Variants in BTLA observed in about 807,000 individuals in gnomAD.
The protein encoded by BTLA is B- and T-lymphocyte attenuator.
BTLA carries 11 observed loss-of-function variants against 25.0 expected under a neutral mutation model. The ratio of observed to expected loss-of-function variants is 0.44; its 90% CI spans 0.28 to 0.73. The LOEUF is 0.73. Among genes scored for constraint, BTLA ranks in the 30% least tolerant of loss-of-function variants. The pLI is 0.15. For synonymous variants in BTLA, 104 were observed against 119.8 expected (o/e 0.87, Z 0.86); for missense variants, 282 against 332.8 (o/e 0.85, Z 1.19).
intron 1 of BTLA, among the ~76,000 whole-genome samples, chr3:112,484,568 A>G (rs1330647738): frequency 6.6e-6 from 1 of 152,172 alleles, no homozygotes; most frequent in Non-Finnish European, 1.5e-5. Flanking sequence ...AAACTACGAA[A>G]CCACTTCTAG....
chr3:112,468,605 T>A (rs1576676398), intron 4 of BTLA, among the ~76,000 whole-genome samples: 2 of 152,338 alleles, frequency 1.3e-5, no homozygotes, highest in African/African-American at 4.8e-5. Context: ...GGAAGAACAA[T>A]GTCCACAGCT....
intron 1 of BTLA, among the ~76,000 whole-genome samples, chr3:112,491,486 G>C (rs1017339895): frequency 7.9e-5 from 12 of 152,106 alleles, no homozygotes; most frequent in African/African-American, 2.9e-4. Flanking sequence ...TTAAGTTGAG[G>C]AAACTGGGTA....
chr3:112,472,088 A>T (rs904972937), intron 2 of BTLA, among the ~76,000 whole-genome samples: 4 of 152,178 alleles, frequency 2.6e-5, no homozygotes, highest in Non-Finnish European at 4.4e-5. Flanking sequence ...AGCAGGGAAC[A>T]TGTGTGGCAA....
chr3:112,469,607 GTA>G (rs60258722), intron 4 of BTLA, 149 bp downstream of exon 4: 957 of 58,312 alleles, frequency 0.016, 12 homozygotes, highest in African/African-American at 0.056. Flanking sequence ...ATGGGTCTAT[GTA>G]TATATATATA....
At chr3:112,483,872 G>A (rs1341731124) in intron 1 of BTLA, among the ~76,000 whole-genome samples, 5 of 152,026 alleles carry the variant, frequency 3.3e-5, no homozygotes, top group African/African-American at 4.8e-5. Flanking sequence ...AGAGGCTGAG[G>A]CAGGAGAATT....
At chr3:112,480,980 G>A (rs572469791) in intron 1 of BTLA, among the ~76,000 whole-genome samples, 33 of 152,286 alleles carry the variant, frequency 2.2e-4, no homozygotes, top group African/African-American at 6.0e-4. Flanking sequence ...CTCCAACTAT[G>A]ATCATGTAAA....
At chr3:112,479,791 A>G (rs770681587) in intron 1 of BTLA, 22 bp from the exon 2 acceptor site, 1 of 1,526,368 alleles carries the variant, frequency 6.6e-7, no homozygotes, top group Admixed American at 2.0e-5. Context: ...AAACAAAACT[A>G]AAATCAAATA....
intron 1 of BTLA, among the ~76,000 whole-genome samples, 153 bp from the exon 2 acceptor site, chr3:112,479,922 A>C (rs2082309017): frequency 6.6e-6 from 1 of 152,244 alleles, no homozygotes; most frequent in South Asian, 2.1e-4. Context: ...TGTCTCATAC[A>C]TATTAGGCAT....
At position 112,499,278 on chromosome 3, in the gene BTLA, G is replaced by T; in HGVS notation, c.81C>A (p.Asn27Lys). 1 of 1,602,950 alleles carries T rather than the reference G, an allele frequency of 6.2e-7. No individual in the cohort carries two copies. Among genetic ancestry groups the T allele is most frequent in the Non-Finnish European group, 8.5e-7 (1 of 1,169,954 alleles). ...CCTAAGCAGGTGCCTTACCATGGAT[G>T]TTCCAGATGTCCAGATATGGGATTA... The part of the protein sequence containing the change: ...FFLIPYLDIW[N>K]IHGKESCDVQ... Residue 27 changes from asparagine (N) to lysine (K), a missense_variant, in exon 1 of 5, where the codon AAC becomes AAA. Asn to Lys is a moderately conservative substitution (Grantham distance 94). Around this residue, in one of 2 missense-constraint regions of BTLA, gnomAD observed 163 missense variants for 230.4 expected, o/e 0.71. Coordinates refer to ENST00000334529, the MANE Select transcript of BTLA (RefSeq NM_181780.4).
chr3:112,482,874 A>C (rs566253543), intron 1 of BTLA, among the ~76,000 whole-genome samples: 16 of 152,306 alleles, frequency 1.1e-4, no homozygotes, highest in African/African-American at 2.9e-4. Context: ...TAGGACAAAA[A>C]AAGTAAGAAG....
intron 1 of BTLA, among the ~76,000 whole-genome samples, chr3:112,488,699 C>T (rs922516816): frequency 2.0e-5 from 3 of 152,102 alleles, no homozygotes; most frequent in African/African-American, 7.2e-5. Context: ...CTGCAACCTC[C>T]ACCCACCGGG....
Position 112,499,283 on chromosome 3 carries a change from A to G in BTLA, c.76T>C (p.Trp26Arg). The G allele has an allele frequency of 1.2e-6, 2 of 1,605,920 alleles. No homozygotes were observed. The highest frequency in any genetic ancestry group is 1.7e-5 in the Admixed American group (1 of 59,980). ...VFFLIPYLDI[W>R]NIHGKESCDV... Reference sequence around the variant, plus strand: ...GCAGGTGCCTTACCATGGATGTTCCAGATGTCCAGATATGGGATTAAGAAG... The same window carrying G: ...GCAGGTGCCTTACCATGGATGTTCCGGATGTCCAGATATGGGATTAAGAAG... Residue 26 changes from tryptophan (W) to arginine (R), a missense_variant, in exon 1 of 5, where the codon TGG becomes CGG. This residue lies in a region of BTLA where 163 missense variants were observed against 230.4 expected (regional missense o/e 0.71). Transcript: ENST00000334529.
chr3:112,471,158 A>G (rs1310079129), intron 3 of BTLA, 54 bp downstream of exon 3: 24 of 1,555,056 alleles, frequency 1.5e-5, no homozygotes, highest in Non-Finnish European at 1.9e-5. Flanking sequence ...AGCCCCAGAA[A>G]TAAGAATGGC....
intron 2 of BTLA, among the ~76,000 whole-genome samples, chr3:112,472,022 C>A (rs1035946079): frequency 6.6e-6 from 1 of 152,108 alleles, no homozygotes; most frequent in Non-Finnish European, 1.5e-5. Flanking sequence ...AAAAATGAAA[C>A]AGAAGAGGAT....
intron 3 of BTLA, 39 bp from the exon 4 acceptor site, chr3:112,469,843 A>G: frequency 6.4e-7 from 1 of 1,556,060 alleles, no homozygotes; most frequent in Non-Finnish European, 8.8e-7. Context: ...CAAAAGGAGT[A>G]AAGAAAGCAG....
intron 1 of BTLA, among the ~76,000 whole-genome samples, chr3:112,484,133 G>T (rs2082333646): frequency 6.6e-6 from 1 of 152,128 alleles, no homozygotes; most frequent in Non-Finnish European, 1.5e-5. Context: ...TTTTAAGAGT[G>T]AGGAAATGGA....
At chr3:112,489,718 A>G (rs2082369537) in intron 1 of BTLA, among the ~76,000 whole-genome samples, 1 of 152,188 alleles carries the variant, frequency 6.6e-6, no homozygotes, top group South Asian at 2.1e-4. Context: ...AAATACTATC[A>G]CAGACAAACA....
At chr3:112,498,331 C>T (rs925322978) in intron 1 of BTLA, among the ~76,000 whole-genome samples, 17 of 151,310 alleles carry the variant, frequency 1.1e-4, no homozygotes, top group African/African-American at 3.4e-4. Context: ...AAATTGAACC[C>T]GGGAGGAAGA....
intron 2 of BTLA, among the ~76,000 whole-genome samples, chr3:112,477,912 T>C (rs1457782518): frequency 6.6e-6 from 1 of 152,038 alleles, no homozygotes; most frequent in African/African-American, 2.4e-5. Flanking sequence ...GGTACCCTTA[T>C]CAAAAATCAA....
Sources: gnomAD v4.1 joint callset for allele counts (sites outside exome capture counted in the v4.1 genomes callset) on GRCh38, gnomAD v4.1.1 for gene constraint, gnomAD v4.1.1 regional missense constraint, MANE v1.5 for transcripts, NCBI Gene and HGNC (gene_info 2026-07-23, HGNC 2026-07-21) for gene names.